CDIN1: variants seen among roughly 807,000 people sequenced by gnomAD.
CDIN1 encodes the protein CDAN1-interacting nuclease 1.
CDIN1 carries 33 observed loss-of-function variants against 45.3 expected under a neutral mutation model. The ratio of observed to expected loss-of-function variants is 0.73; its 90% CI spans 0.55 to 0.97. CDIN1 has a LOEUF of 0.97. Ranked by LOEUF, CDIN1 falls within the 50% of genes least tolerant of loss-of-function variation. The pLI is 0.00. For missense variants in CDIN1, 303 were observed against 339.4 expected (o/e 0.89, Z 0.84); for synonymous variants, 118 against 124.4 (o/e 0.95, Z 0.34).
At chr15:36,617,354 C>G (rs1277803528) in intron 1 of CDIN1, 1 of 1,557,172 alleles carries the variant, frequency 6.4e-7, no homozygotes, top group Non-Finnish European at 8.9e-7. Flanking sequence ...GAAGAATCAA[C>G]TGATGGGATG....
intron 5 of CDIN1, among the ~76,000 whole-genome samples, chr15:36,670,067 T>A (rs1350458929): frequency 6.6e-6 from 1 of 152,068 alleles, no homozygotes; most frequent in Non-Finnish European, 1.5e-5. Context: ...TTGGGTTTCT[T>A]CTGTAAGGAA....
chr15:36,654,456 G>C (rs1258187080), intron 4 of CDIN1, among the ~76,000 whole-genome samples: 1 of 142,456 alleles, frequency 7.0e-6, no homozygotes, highest in East Asian at 2.1e-4. Flanking sequence ...CTTTTCTTAG[G>C]ATAGGTTGTC....
intron 10 of CDIN1, among the ~76,000 whole-genome samples, chr15:36,762,891 A>G (rs2053809774): frequency 6.6e-6 from 1 of 152,034 alleles, no homozygotes; most frequent in Admixed American, 6.5e-5. Context: ...CCAGTCTATC[A>G]TTGATGGACA....
intron 10 of CDIN1, among the ~76,000 whole-genome samples, chr15:36,788,099 T>C (rs926993787): frequency 1.8e-4 from 6 of 33,658 alleles, no homozygotes; most frequent in African/African-American, 6.7e-4. Context: ...TATATATATA[T>C]ATATATATTT....
At chr15:36,757,628 C>T (rs980548552) in intron 10 of CDIN1, among the ~76,000 whole-genome samples, 10 of 152,158 alleles carry the variant, frequency 6.6e-5, no homozygotes, top group Admixed American at 3.9e-4. Flanking sequence ...GAGTCATCCC[C>T]TTGCCCAGCA....
intron 10 of CDIN1, among the ~76,000 whole-genome samples, chr15:36,748,598 G>T (rs11073193): frequency 6.6e-6 from 1 of 151,894 alleles, no homozygotes; most frequent in Non-Finnish European, 1.5e-5. Context: ...ACTTTCCAAG[G>T]TCTCAGATAC....
At chr15:36,727,095 A>T (rs1352206316) in intron 10 of CDIN1, among the ~76,000 whole-genome samples, 2 of 152,104 alleles carry the variant, frequency 1.3e-5, no homozygotes, top group Middle Eastern at 3.2e-3. Context: ...AATTATTTTA[A>T]AAAGCAATAA....
intron 10 of CDIN1, among the ~76,000 whole-genome samples, chr15:36,766,946 T>C (rs2053940291): frequency 1.3e-5 from 2 of 152,222 alleles, no homozygotes; most frequent in Admixed American, 1.3e-4. Context: ...TTTGACGTAG[T>C]CTCAAGTGTC....
chr15:36,667,122 A>G (rs953878327), intron 5 of CDIN1, among the ~76,000 whole-genome samples: 1 of 152,168 alleles, frequency 6.6e-6, no homozygotes, highest in African/African-American at 2.4e-5. Flanking sequence ...TTGTCTTCTG[A>G]AAGTTAGTTA....
chr15:36,758,414 C>T (rs181964261), intron 10 of CDIN1, among the ~76,000 whole-genome samples: 9 of 151,652 alleles, frequency 5.9e-5, no homozygotes, highest in South Asian at 2.1e-4. Context: ...CTAAACTGGA[C>T]GAGCCACTTT....
intron 1 of CDIN1, among the ~76,000 whole-genome samples, chr15:36,610,671 C>G (rs1015697982): frequency 2.6e-5 from 4 of 152,170 alleles, no homozygotes; most frequent in African/African-American, 9.7e-5. Context: ...TTTGCCTAAA[C>G]AAAGGTGGAT....
chr15:36,738,715 C>A (rs538232524), intron 10 of CDIN1, among the ~76,000 whole-genome samples: 4 of 152,186 alleles, frequency 2.6e-5, no homozygotes, highest in South Asian at 2.1e-4. Flanking sequence ...TCTGACCCCC[C>A]CAACAGCCTA....
intron 10 of CDIN1, among the ~76,000 whole-genome samples, chr15:36,744,971 A>G (rs551914155): frequency 6.6e-6 from 1 of 152,292 alleles, no homozygotes; most frequent in Non-Finnish European, 1.5e-5. Flanking sequence ...ACTTTTGTAT[A>G]CATCCATAAG....
At chr15:36,754,097 T>C (rs949153511) in intron 10 of CDIN1, among the ~76,000 whole-genome samples, 2 of 152,202 alleles carry the variant, frequency 1.3e-5, no homozygotes, top group Admixed American at 1.3e-4. Context: ...TACAGACTTA[T>C]GCGTGGGTAT....
intron 1 of CDIN1, among the ~76,000 whole-genome samples, chr15:36,633,901 G>C (rs1188220728): frequency 1.3e-5 from 2 of 151,974 alleles, no homozygotes; most frequent in African/African-American, 2.4e-5. Flanking sequence ...GGGACTACAG[G>C]CATGCGCCAT....
chr15:36,708,483 A>C (rs1434878891), intron 8 of CDIN1: 1 of 139,288 alleles, frequency 7.2e-6, no homozygotes, highest in Non-Finnish European at 1.6e-5. Context: ...TTTTTTTTTT[A>C]AACAATCACC....
chr15:36,679,099 A>G (rs1209629238), intron 5 of CDIN1, among the ~76,000 whole-genome samples: 5 of 61,266 alleles, frequency 8.2e-5, no homozygotes, highest in African/African-American at 3.3e-4. Context: ...AGTAGAAAGG[A>G]CTTCTACCTA....
intron 10 of CDIN1, among the ~76,000 whole-genome samples, chr15:36,785,055 T>C (rs2054454990): frequency 1.3e-5 from 2 of 152,138 alleles, no homozygotes; most frequent in African/African-American, 4.8e-5. Flanking sequence ...GTGCTGCCCT[T>C]GTAAAGGTTT....
chr15:36,755,425 A>G (rs1246815069), intron 10 of CDIN1, among the ~76,000 whole-genome samples: 1 of 152,046 alleles, frequency 6.6e-6, no homozygotes, highest in Non-Finnish European at 1.5e-5. Context: ...TTTTGTTCAT[A>G]TTTGGCTTCA....
Sources: gnomAD v4.1 joint callset for allele counts (sites outside exome capture counted in the v4.1 genomes callset) on GRCh38, gnomAD v4.1.1 for gene constraint, MANE v1.5 for transcripts, NCBI Gene and HGNC (gene_info 2026-07-23, HGNC 2026-07-21) for gene names.